ZFHX3: variants seen among roughly 807,000 people sequenced by gnomAD.
ZFHX3 encodes zinc finger homeobox 3.
A neutral mutation model predicts 279.1 loss-of-function variants in ZFHX3; 42 were observed. The observed-to-expected ratio is 0.15, with a 90% CI of 0.12 to 0.19. The LOEUF is 0.19. ZFHX3 is among the 10% of genes least tolerant of loss of function. ZFHX3 has a pLI of 1.00. For synonymous variants in ZFHX3, 2,293 were observed against 1,957.8 expected, an observed-to-expected ratio of 1.17 and a Z score of -4.52; for missense variants, 4,981 against 4,754.0, an observed-to-expected ratio of 1.05 and a Z score of -1.40.
At chr16:72,825,097 A>C (rs1382475355) in intron 5 of ZFHX3, among the ~76,000 whole-genome samples, 1 of 152,212 alleles carries the variant, frequency 6.6e-6, no homozygotes, top group Non-Finnish European at 1.5e-5. Flanking sequence ...TCCCCTGTCC[A>C]TGTTTCACAG....
intron 3 of ZFHX3, among the ~76,000 whole-genome samples, chr16:72,930,863 A>C (rs1019849327): frequency 1.3e-5 from 2 of 152,240 alleles, no homozygotes; most frequent in African/African-American, 4.8e-5. Flanking sequence ...AATGTGGTAC[A>C]AGGTGCCATC....
intron 5 of ZFHX3, among the ~76,000 whole-genome samples, chr16:73,150,522 T>C (rs1966915273): frequency 6.6e-6 from 1 of 152,234 alleles, no homozygotes; most frequent in African/African-American, 2.4e-5. Flanking sequence ...GTTGTAATTA[T>C]ATTATTATAA....
chr16:73,423,446 G>T (rs772909350), intron 3 of ZFHX3, among the ~76,000 whole-genome samples: 1 of 152,168 alleles, frequency 6.6e-6, no homozygotes, highest in African/African-American at 2.4e-5. Context: ...CACACTGGGT[G>T]CTGGTGAGAC....
intron 1 of ZFHX3, among the ~76,000 whole-genome samples, chr16:73,713,947 T>G (rs1597078141): frequency 6.6e-6 from 1 of 152,090 alleles, no homozygotes; most frequent in Non-Finnish European, 1.5e-5. Context: ...GGCTTTCGCA[T>G]CAGAAGAATA....
chr16:73,185,583 CAG>C (rs1281721489), intron 5 of ZFHX3, among the ~76,000 whole-genome samples: 1 of 152,146 alleles, frequency 6.6e-6, no homozygotes. Context: ...GCGTGAGACT[CAG>C]AGGTTGGGGC....
At chr16:73,329,166 T>G (rs1453564551) in intron 3 of ZFHX3, among the ~76,000 whole-genome samples, 1 of 152,224 alleles carries the variant, frequency 6.6e-6, no homozygotes, top group East Asian at 1.9e-4. Context: ...GCTCTGCTGT[T>G]TTGATTTCTA....
intron 4 of ZFHX3, among the ~76,000 whole-genome samples, chr16:72,879,020 C>A (rs1175789647): frequency 6.6e-6 from 1 of 152,164 alleles, no homozygotes; most frequent in Non-Finnish European, 1.5e-5. Flanking sequence ...GGAGGCTGCC[C>A]TCGAGGCTCA....
At chr16:73,697,323 G>GA (rs1233974816) in intron 1 of ZFHX3, among the ~76,000 whole-genome samples, 1 of 151,774 alleles carries the variant, frequency 6.6e-6, no homozygotes, top group Non-Finnish European at 1.5e-5. Flanking sequence ...CAAAGTTTTT[G>GA]AAAATAAAGA....
Position 73,258,119 on chromosome 16 carries a change from C to T in ZFHX3, c.-1193-983G>A, listed in dbSNP as rs564640089. ...CTATTTTTTAAGCACCTTTTAGGGG[C>T]ATTGTGCCAGGGTTTAATATATATC... On this transcript the variant is annotated intron_variant, in intron 4 of 17. Coordinates refer to the ZFHX3 transcript ENST00000641206. Among the ~76,000 whole-genome samples the T allele has an allele frequency of 1.8e-4, 27 of 152,196 alleles. 1 individual carries two copies. The highest frequency in any genetic ancestry group is 1.1e-3 in the Admixed American group (17 of 15,288).
At chr16:73,782,569 G>A (rs1423331254) in intron 1 of ZFHX3, among the ~76,000 whole-genome samples, 2 of 151,974 alleles carry the variant, frequency 1.3e-5, no homozygotes, top group African/African-American at 4.8e-5. Flanking sequence ...GTGAAGTGTA[G>A]TAGAAGCATG....
intron 1 of ZFHX3, among the ~76,000 whole-genome samples, chr16:73,030,966 A>G (rs1318289096): frequency 2.0e-5 from 3 of 152,164 alleles, no homozygotes; most frequent in Non-Finnish European, 4.4e-5. Flanking sequence ...CAGAAGATCC[A>G]CACTTCTCCA....
chr16:73,538,874 C>T (rs193187925), intron 2 of ZFHX3, among the ~76,000 whole-genome samples: 9 of 152,266 alleles, frequency 5.9e-5, no homozygotes, highest in East Asian at 3.9e-4. Context: ...TCAGTGCAAA[C>T]GATACAGACT....
intron 2 of ZFHX3, among the ~76,000 whole-genome samples, chr16:73,613,887 C>T (rs2052272956): frequency 6.6e-6 from 1 of 152,162 alleles, no homozygotes; most frequent in Non-Finnish European, 1.5e-5. Context: ...CACAGCGCTA[C>T]CAATGTCCTA....
intron 4 of ZFHX3, among the ~76,000 whole-genome samples, chr16:72,850,900 G>T (rs1331053133): frequency 6.6e-6 from 1 of 151,962 alleles, no homozygotes; most frequent in Non-Finnish European, 1.5e-5. Flanking sequence ...AGGGGAGGGG[G>T]TGCAAGCAAC....
intron 8 of ZFHX3, among the ~76,000 whole-genome samples, chr16:73,079,219 T>C (rs1965918800): frequency 6.6e-6 from 1 of 151,902 alleles, no homozygotes; most frequent in South Asian, 2.1e-4. Context: ...TTTCATATCT[T>C]TCTCTTATTA....
intron 4 of ZFHX3, among the ~76,000 whole-genome samples, chr16:73,279,506 G>C (rs552568054): frequency 6.6e-6 from 1 of 152,224 alleles, no homozygotes; most frequent in East Asian, 1.9e-4. Flanking sequence ...AGGTAATGAG[G>C]AACCCAATGG....
rs528219614 is a variant in ZFHX3 at position 73,662,254 on chromosome 16, A to T, written c.-1547+17926T>A. Among the ~76,000 whole-genome samples the T allele has an allele frequency of 3.3e-5, 5 of 152,308 alleles. No individual in the cohort carries two copies. The South Asian group carries it at 8.3e-4, about 25-fold the overall frequency. ...AACCAATTATTAGCACTTTTGCGCA[A>T]GTGTAAAGCCTTTTCCCAGATTTTT... On this transcript the variant is annotated intron_variant, in intron 2 of 17. Coordinates refer to the ZFHX3 transcript ENST00000641206.
At position 73,296,877 on chromosome 16, in the gene ZFHX3, A is replaced by ATTTTTTTTTTTTTTTTT. The variant is rs201366558; in HGVS notation, c.-1194+21346_-1194+21362dup. ...TTTATAATTGCCATGTGAAGCAGGA[A>ATTTTTTTTTTTTTTTTT]TTTTTTTTTTTTTTTTTTTGAGACG... is the stretch of plus-strand genomic sequence containing the variant. On this transcript the variant is annotated intron_variant, in intron 4 of 17. Coordinates refer to the ZFHX3 transcript ENST00000641206. Among the ~76,000 whole-genome samples, 19 of 116,080 alleles carry ATTTTTTTTTTTTTTTTT rather than the reference A, an allele frequency of 1.6e-4. 1 individual carries two copies. Among genetic ancestry groups the ATTTTTTTTTTTTTTTTT allele is most frequent in the African/African-American group, 5.6e-4 (16 of 28,736 alleles). The allele number at this position is 116,080 out of a possible 152,430, so 76.2% of individuals were successfully genotyped here. A position where few individuals can be genotyped will look rare whatever the true frequency, so the allele number is the denominator to read the frequency against.
intron 3 of ZFHX3, among the ~76,000 whole-genome samples, chr16:73,429,656 C>A (rs2143511627): frequency 6.6e-6 from 1 of 152,086 alleles, no homozygotes; most frequent in East Asian, 1.9e-4. Context: ...TTTTTTAAGC[C>A]AATTTTTAAA....
Sources: allele counts gnomAD v4.1 joint callset (sites outside exome capture counted in the v4.1 genomes callset), GRCh38; gene constraint gnomAD v4.1.1; transcripts MANE v1.5; gene names NCBI Gene and HGNC (gene_info 2026-07-23, HGNC 2026-07-21).